The following PARD3B variants were observed in gnomAD, a reference collection of about 807,000 sequenced individuals.
PARD3B encodes the protein partitioning defective 3 homolog B.
Under a neutral mutation model 130.2 loss-of-function variants are expected in PARD3B, and 103 were observed. The observed-to-expected ratio is 0.79, with a 90% CI of 0.67 to 0.93. The LOEUF is 0.93. PARD3B is among the 40% of genes least tolerant of loss of function. The probability of loss-of-function intolerance (pLI) is 0.00; values close to 1 mark genes in which losing one functional copy is unlikely to be tolerated. For missense variants in PARD3B, 1,609 were observed against 1,499.2 expected, an observed-to-expected ratio of 1.07 and a Z score of -1.21; for synonymous variants, 583 against 553.2, an observed-to-expected ratio of 1.05 and a Z score of -0.76.
chr2:204,612,997 A>G (rs1323953606), intron 1 of PARD3B, among the ~76,000 whole-genome samples: 2 of 152,124 alleles, frequency 1.3e-5, no homozygotes, highest in African/African-American at 4.8e-5. Flanking sequence ...TTGTATTAGT[A>G]TGATGATAAA....
intron 2 of PARD3B, among the ~76,000 whole-genome samples, chr2:204,833,907 C>A (rs2043929092): frequency 6.6e-6 from 1 of 152,104 alleles, no homozygotes; most frequent in Non-Finnish European, 1.5e-5. Context: ...CCCAGCCCCA[C>A]CTACCTCTCC....
At chr2:205,389,321 T>A (rs140610664) in intron 18 of PARD3B, among the ~76,000 whole-genome samples, 1 of 152,308 alleles carries the variant, frequency 6.6e-6, no homozygotes, top group African/African-American at 2.4e-5. Context: ...AAAGAACTCT[T>A]CTATGAAAGA....
At chr2:205,117,938 T>TACACACACACACACACACACAC (rs1366473096) in intron 6 of PARD3B, among the ~76,000 whole-genome samples, 2 of 107,694 alleles carry the variant, frequency 1.9e-5, no homozygotes, top group Non-Finnish European at 4.1e-5. Flanking sequence ...CACACACACA[T>TACACACACACACACACACACAC]ACACACACAC....
At chr2:204,556,072 A>G (rs2030902056) in intron 1 of PARD3B, among the ~76,000 whole-genome samples, 1 of 152,214 alleles carries the variant, frequency 6.6e-6, no homozygotes, top group Admixed American at 6.5e-5. Context: ...CTTAGATTCT[A>G]GAAGAGCACC....
At chr2:205,516,204 A>T (rs2050786837) in intron 21 of PARD3B, among the ~76,000 whole-genome samples, 1 of 152,072 alleles carries the variant, frequency 6.6e-6, no homozygotes, top group Non-Finnish European at 1.5e-5. Flanking sequence ...ATGGCCCTGT[A>T]GTATAGTTTG....
At chr2:204,926,973 G>A (rs1288460268) in intron 2 of PARD3B, among the ~76,000 whole-genome samples, 1 of 152,078 alleles carries the variant, frequency 6.6e-6, no homozygotes, top group Non-Finnish European at 1.5e-5. Context: ...TGGAAGAGGA[G>A]CAAGTAATTC....
chr2:205,413,774 C>T (rs1459688884), intron 19 of PARD3B, among the ~76,000 whole-genome samples: 3 of 152,122 alleles, frequency 2.0e-5, no homozygotes, highest in African/African-American at 4.8e-5. Flanking sequence ...GAAATTTCAT[C>T]CACTTCACAG....
At chr2:205,529,586 T>G (rs2051490027) in intron 21 of PARD3B, among the ~76,000 whole-genome samples, 1 of 152,182 alleles carries the variant, frequency 6.6e-6, no homozygotes, top group South Asian at 2.1e-4. Flanking sequence ...GACTCTACAT[T>G]GTGAGGCTAT....
At chr2:204,895,052 C>T (rs2046592555) in intron 2 of PARD3B, among the ~76,000 whole-genome samples, 1 of 116,780 alleles carries the variant, frequency 8.6e-6, no homozygotes. Context: ...GGAGAAAGAC[C>T]TACCAAAAAA....
intron 16 of PARD3B, among the ~76,000 whole-genome samples, chr2:205,299,809 T>C (rs2251539): frequency 0.83 from 126,731 of 152,118 alleles, 53,052 homozygotes; most frequent in South Asian, 0.9. Flanking sequence ...AAAGGTTGCC[T>C]CTTTTCTAGA....
intron 11 of PARD3B, among the ~76,000 whole-genome samples, chr2:205,159,314 A>T (rs1219815973): frequency 6.6e-6 from 1 of 152,208 alleles, no homozygotes; most frequent in Non-Finnish European, 1.5e-5. Flanking sequence ...GGAGCCTGAG[A>T]GTGATTGTAG....
At chr2:204,583,677 T>C (rs1253858260) in intron 1 of PARD3B, among the ~76,000 whole-genome samples, 3 of 146,602 alleles carry the variant, frequency 2.0e-5, no homozygotes, top group Admixed American at 6.8e-5. Flanking sequence ...CATTTACTAA[T>C]GTGTGAGGTG....
At chr2:205,587,176 A>C (rs1370569928) in intron 22 of PARD3B, among the ~76,000 whole-genome samples, 1 of 152,244 alleles carries the variant, frequency 6.6e-6, no homozygotes, top group Non-Finnish European at 1.5e-5. Flanking sequence ...TAGGTCTCAA[A>C]GAGCTAATGC....
chr2:204,976,575 A>T (rs1256349944), intron 3 of PARD3B, among the ~76,000 whole-genome samples: 1 of 151,648 alleles, frequency 6.6e-6, no homozygotes, highest in Non-Finnish European at 1.5e-5. Flanking sequence ...AGGAAAAAAT[A>T]AAAAAACTCC....
intron 22 of PARD3B, among the ~76,000 whole-genome samples, chr2:205,588,564 C>T (rs1339352884): frequency 6.6e-6 from 1 of 151,710 alleles, no homozygotes; most frequent in East Asian, 1.9e-4. Flanking sequence ...TTATAGAAAG[C>T]TCAGTTTTAA....
At chr2:204,781,661 G>C (rs1394700465) in intron 2 of PARD3B, among the ~76,000 whole-genome samples, 2 of 152,112 alleles carry the variant, frequency 1.3e-5, no homozygotes, top group African/African-American at 4.8e-5. Flanking sequence ...GTTTTTGATA[G>C]AAATATTAGT....
intron 4 of PARD3B, among the ~76,000 whole-genome samples, chr2:205,097,923 C>G (rs755032916): frequency 4.6e-5 from 7 of 151,630 alleles, no homozygotes; most frequent in Non-Finnish European, 7.4e-5. Context: ...TTGAAGTCAA[C>G]TGAGAGATTT....
intron 2 of PARD3B, among the ~76,000 whole-genome samples, chr2:204,714,024 C>T (rs1471013300): frequency 6.6e-6 from 1 of 152,120 alleles, no homozygotes; most frequent in Admixed American, 6.5e-5. Flanking sequence ...TATATGTATG[C>T]ACATTTATAT....
At chr2:204,686,399 C>T in intron 2 of PARD3B, 117 bp downstream of exon 2, 1 of 765,104 alleles carries the variant, frequency 1.3e-6, no homozygotes, top group Admixed American at 2.2e-5. Flanking sequence ...ACCATCTGTT[C>T]AGGTTTCACC....
Sources: gnomAD v4.1 joint callset for allele counts (sites outside exome capture counted in the v4.1 genomes callset) on GRCh38, gnomAD v4.1.1 for gene constraint, MANE v1.5 for transcripts, NCBI Gene and HGNC (gene_info 2026-07-23, HGNC 2026-07-21) for gene names.